Variants in TMEM117 observed in about 807,000 individuals in gnomAD.
TMEM117 encodes transmembrane protein 117.
Under a neutral mutation model 52.4 loss-of-function variants are expected in TMEM117, and 27 were observed. That is an observed-to-expected ratio of 0.51 (90% CI 0.38 to 0.71). TMEM117 has a LOEUF of 0.71. Ranked by LOEUF, TMEM117 falls within the 30% of genes least tolerant of loss-of-function variation. The pLI is 0.00. For missense variants in TMEM117, 556 were observed against 630.5 expected (o/e 0.88, Z 1.26); for synonymous variants, 215 against 206.3 (o/e 1.04, Z -0.36).
At chr12:44,013,026 TG>T (rs1291032582) in intron 3 of TMEM117, among the ~76,000 whole-genome samples, 3 of 147,468 alleles carry the variant, frequency 2.0e-5, no homozygotes, top group African/African-American at 7.7e-5. Context: ...CTTTCTTTCT[TG>T]CTTTTTTTTT....
At chr12:44,267,374 A>G (rs1414100624) in intron 5 of TMEM117, among the ~76,000 whole-genome samples, 2 of 152,126 alleles carry the variant, frequency 1.3e-5, no homozygotes, top group East Asian at 1.9e-4. Context: ...GGTATGATTG[A>G]CATACAAAAA....
intron 3 of TMEM117, among the ~76,000 whole-genome samples, chr12:43,997,170 A>G (rs375761389): frequency 6.6e-6 from 1 of 152,226 alleles, no homozygotes; most frequent in Non-Finnish European, 1.5e-5. Context: ...TAGAACTAAC[A>G]TAGAACCCAG....
intron 5 of TMEM117, among the ~76,000 whole-genome samples, chr12:44,237,138 T>C (rs1950006737): frequency 6.6e-6 from 1 of 152,046 alleles, no homozygotes; most frequent in Non-Finnish European, 1.5e-5. Context: ...GGCTTTTTAG[T>C]TTTTCAGCAA....
chr12:43,927,005 A>G (rs1426329170), intron 2 of TMEM117, among the ~76,000 whole-genome samples: 1 of 151,856 alleles, frequency 6.6e-6, no homozygotes, highest in Admixed American at 6.6e-5. Context: ...CTTAAGTTGG[A>G]TATATAGCTT....
chr12:43,820,019 A>G, the TMEM117 span, among the ~76,000 whole-genome samples: 5 of 152,356 alleles, frequency 3.3e-5, no homozygotes, highest in African/African-American at 1.2e-4. Flanking sequence ...AAAAAAGAGA[A>G]AAGAAAACAT....
chr12:44,248,924 C>T (rs151132407), intron 5 of TMEM117: 8 of 152,750 alleles, frequency 5.2e-5, no homozygotes, highest in African/African-American at 1.7e-4. Flanking sequence ...TTAATGGTCC[C>T]GAAGAAAAAT....
chr12:43,819,974 G>T, the TMEM117 span, among the ~76,000 whole-genome samples: 1 of 152,072 alleles, frequency 6.6e-6, no homozygotes, highest in Non-Finnish European at 1.5e-5. Context: ...CCACATAAAG[G>T]CAGTTGAATA....
At chr12:44,047,869 A>T (rs1167633724) in intron 3 of TMEM117, among the ~76,000 whole-genome samples, 1 of 152,194 alleles carries the variant, frequency 6.6e-6, no homozygotes, top group African/African-American at 2.4e-5. Flanking sequence ...GTTAGAATGT[A>T]ATACCAAGGT....
chr12:43,924,970 G>A (rs556330034), intron 2 of TMEM117, among the ~76,000 whole-genome samples: 1 of 152,286 alleles, frequency 6.6e-6, no homozygotes, highest in South Asian at 2.1e-4. Flanking sequence ...TTCTAAGATG[G>A]ATGGAAGATG....
intron 6 of TMEM117, among the ~76,000 whole-genome samples, chr12:44,368,934 A>G (rs947654558): frequency 6.6e-6 from 1 of 152,022 alleles, no homozygotes; most frequent in Non-Finnish European, 1.5e-5. Context: ...AAGTTGTTTG[A>G]TAACTGATGA....
intron 2 of TMEM117, among the ~76,000 whole-genome samples, chr12:43,870,519 A>C (rs1943685116): frequency 6.6e-6 from 1 of 151,974 alleles, no homozygotes; most frequent in African/African-American, 2.4e-5. Flanking sequence ...TCGGCCTCCC[A>C]AAGTGCTGGG....
At chr12:44,324,900 T>A (rs528496819) in intron 6 of TMEM117, among the ~76,000 whole-genome samples, 6 of 152,268 alleles carry the variant, frequency 3.9e-5, no homozygotes, top group African/African-American at 1.4e-4. Flanking sequence ...CAAGATATGG[T>A]GATTATTTTC....
chr12:43,940,273 G>C (rs893648653), intron 2 of TMEM117, among the ~76,000 whole-genome samples: 3 of 152,130 alleles, frequency 2.0e-5, no homozygotes, highest in African/African-American at 7.2e-5. Context: ...CTCCTACCTA[G>C]AAACACAAAC....
At chr12:43,981,281 A>G (rs1945755949) in intron 3 of TMEM117, among the ~76,000 whole-genome samples, 1 of 152,088 alleles carries the variant, frequency 6.6e-6, no homozygotes, top group Non-Finnish European at 1.5e-5. Flanking sequence ...TGACCATTTT[A>G]TTTCAGGAAT....
chr12:44,161,800 A>AAATT (rs1327159972), intron 4 of TMEM117, among the ~76,000 whole-genome samples: 2 of 151,956 alleles, frequency 1.3e-5, no homozygotes, highest in African/African-American at 2.4e-5. Context: ...TGGTAGTGGC[A>AAATT]AATTAATTAA....
At chr12:43,927,472 C>G (rs1245036597) in intron 2 of TMEM117, among the ~76,000 whole-genome samples, 1 of 150,384 alleles carries the variant, frequency 6.6e-6, no homozygotes, top group Non-Finnish European at 1.5e-5. Context: ...GTTTGCATGA[C>G]TTATTAAATG....
intron 3 of TMEM117, among the ~76,000 whole-genome samples, chr12:44,080,689 G>GA (rs1355863700): frequency 3.3e-5 from 5 of 151,966 alleles, no homozygotes; most frequent in Admixed American, 3.3e-4. Context: ...TTAAATGGTT[G>GA]AAAAAAATCA....
At chr12:44,025,306 G>C (rs1946516226) in intron 3 of TMEM117, among the ~76,000 whole-genome samples, 1 of 152,120 alleles carries the variant, frequency 6.6e-6, no homozygotes, top group Non-Finnish European at 1.5e-5. Flanking sequence ...CAGCTGATTG[G>C]ATTCATCCTG....
chr12:43,867,090 CAA>C (rs1217895915), intron 2 of TMEM117, among the ~76,000 whole-genome samples: 24 of 147,732 alleles, frequency 1.6e-4, no homozygotes, highest in African/African-American at 5.8e-4. Context: ...AACTCCATCT[CAA>C]GAGAAAAAAA....
Sources: gnomAD v4.1 joint callset for allele counts (sites outside exome capture counted in the v4.1 genomes callset) on GRCh38, gnomAD v4.1.1 for gene constraint, MANE v1.5 for transcripts, NCBI Gene and HGNC (gene_info 2026-07-23, HGNC 2026-07-21) for gene names.